Variants in OTUD7A observed in about 807,000 individuals in gnomAD.
The protein encoded by OTUD7A is OTU domain-containing protein 7A.
A neutral mutation model predicts 65.7 loss-of-function variants in OTUD7A; 12 were observed. The ratio of observed to expected loss-of-function variants is 0.18; its 90% confidence interval spans 0.12 to 0.30. OTUD7A has a LOEUF of 0.30. Ranked by LOEUF, OTUD7A falls within the 10% of genes least tolerant of loss-of-function variation. OTUD7A has a pLI of 1.00. For missense variants in OTUD7A, 1,148 were observed against 1,304.8 expected, an observed-to-expected ratio of 0.88 and a Z score of 1.85; for synonymous variants, 641 against 586.3, an observed-to-expected ratio of 1.09 and a Z score of -1.35.
rs563405102 is a variant in OTUD7A at position 31,842,590 on chromosome 15, G to A, written c.-100+27917C>T. 1.1e-3 allele frequency among the ~76,000 whole-genome samples: 166 copies of A among 151,964 alleles called. 1 individual carries two copies. The highest frequency in any genetic ancestry group is 3.9e-3 in the African/African-American group (162 of 41,514). ...GCTGGTGGGGGACAGAGAGGACACT[G>A]CACAGGCCAGTAATTAAGGTATGCT... On this transcript the variant is annotated intron_variant, in intron 1 of 12. Transcript: ENST00000307050.
chr15:31,835,129 C>T (rs908845038), intron 1 of OTUD7A, among the ~76,000 whole-genome samples: 35 of 152,226 alleles, frequency 2.3e-4, no homozygotes, highest in Non-Finnish European at 2.6e-4. Flanking sequence ...CAGATTTTGA[C>T]GCTCTCCCTG....
chr15:31,853,639 A>G (rs1897487086), intron 1 of OTUD7A, among the ~76,000 whole-genome samples: 1 of 152,276 alleles, frequency 6.6e-6, no homozygotes, highest in Non-Finnish European at 1.5e-5. Flanking sequence ...GGCCTTGTAC[A>G]GAGAGAAAGG....
At chr15:31,595,389 A>G (rs1889872756) in intron 3 of OTUD7A, among the ~76,000 whole-genome samples, 1 of 152,204 alleles carries the variant, frequency 6.6e-6, no homozygotes, top group African/African-American at 2.4e-5. Context: ...GTTGCTGCAA[A>G]TGACAGGGTT....
At chr15:31,512,775 T>C (rs1365095580) in intron 8 of OTUD7A, among the ~76,000 whole-genome samples, 31 of 152,356 alleles carry the variant, frequency 2.0e-4, no homozygotes, top group Non-Finnish European at 4.4e-5. Flanking sequence ...CTTGGACTAG[T>C]ATAAGTATGC....
intron 8 of OTUD7A, among the ~76,000 whole-genome samples, chr15:31,521,417 T>G (rs910014044): frequency 5.3e-5 from 8 of 152,186 alleles, no homozygotes; most frequent in African/African-American, 1.9e-4. Flanking sequence ...CTTTAAAAAT[T>G]TGAGCCGGGT....
intron 5 of OTUD7A, among the ~76,000 whole-genome samples, chr15:31,533,788 T>C (rs960828974): frequency 6.6e-6 from 1 of 152,224 alleles, no homozygotes; most frequent in Non-Finnish European, 1.5e-5. Context: ...TCTCTTGAGT[T>C]TTCTAAATTA....
chr15:31,528,858 GC>G (rs2042050619), intron 6 of OTUD7A, among the ~76,000 whole-genome samples: 1 of 152,260 alleles, frequency 6.6e-6, no homozygotes, highest in Admixed American at 6.5e-5. Flanking sequence ...GCGGAGTTTA[GC>G]TATATGGGCA....
chr15:31,573,041 T>C (rs147675846), intron 3 of OTUD7A, among the ~76,000 whole-genome samples: 2,090 of 152,266 alleles, frequency 0.014, 21 homozygotes, highest in Non-Finnish European at 0.022. Flanking sequence ...ACACTGTATA[T>C]AAGGAAACTG....
intron 10 of OTUD7A, among the ~76,000 whole-genome samples, chr15:31,491,935 A>C (rs997671049): frequency 1.3e-5 from 2 of 152,250 alleles, no homozygotes; most frequent in Non-Finnish European, 2.9e-5. Flanking sequence ...TGAAACATGA[A>C]GAAGACATAA....
intron 3 of OTUD7A, among the ~76,000 whole-genome samples, chr15:31,602,708 C>T (rs1281785162): frequency 6.6e-5 from 10 of 152,138 alleles, no homozygotes; most frequent in Non-Finnish European, 1.0e-4. Flanking sequence ...GAAAACCCCA[C>T]CATTTCAGCC....
intron 1 of OTUD7A, among the ~76,000 whole-genome samples, chr15:31,676,592 G>A (rs1335557025): frequency 6.6e-6 from 1 of 152,198 alleles, no homozygotes; most frequent in South Asian, 2.1e-4. Flanking sequence ...GACCATGAGG[G>A]ACGGGTCAAG....
At position 31,592,828 on chromosome 15, in the gene OTUD7A, C is replaced by T. The variant is rs187556529; in HGVS notation, c.152-22631G>A. On this transcript the variant is annotated intron_variant, in intron 3 of 12. Transcript: ENST00000307050. ...CCAGGAGGCGGCGCTTGCAGTGAGC[C>T]GAGATCGTGCCCCTGCGCTCCAGCC... Among the ~76,000 whole-genome samples, 5 of 129,672 alleles carry T rather than the reference C, an allele frequency of 3.9e-5. No homozygotes were observed. The East Asian group carries it at 1.0e-3, about 26-fold the overall frequency. The allele number at this position is 129,672 out of a possible 152,430, so 85.1% of individuals were successfully genotyped here.
At chr15:31,485,805 C>A (rs2041228286) in intron 12 of OTUD7A, among the ~76,000 whole-genome samples, 1 of 146,014 alleles carries the variant, frequency 6.8e-6, no homozygotes, top group Non-Finnish European at 1.5e-5. Context: ...TAATTTTTGT[C>A]CCCCCCTCAA....
intron 1 of OTUD7A, among the ~76,000 whole-genome samples, chr15:31,733,549 G>T (rs1052260869): frequency 2.8e-4 from 42 of 152,332 alleles, no homozygotes; most frequent in African/African-American, 9.6e-4. Context: ...GCCCAGACCA[G>T]GTCAGCCCTC....
intron 1 of OTUD7A, among the ~76,000 whole-genome samples, chr15:31,698,367 C>T (rs1893132053): frequency 1.3e-5 from 2 of 152,146 alleles, no homozygotes; most frequent in Admixed American, 1.3e-4. Flanking sequence ...GTCATCCCTC[C>T]ACCCCAGCTC....
chr15:31,569,426 C>T (rs1015402814), intron 4 of OTUD7A, among the ~76,000 whole-genome samples: 7 of 152,220 alleles, frequency 4.6e-5, no homozygotes, highest in Non-Finnish European at 7.3e-5. Context: ...TTGCAGTGTG[C>T]TGTGCATTTG....
intron 5 of OTUD7A, among the ~76,000 whole-genome samples, chr15:31,554,267 C>T (rs1771055254): frequency 6.6e-6 from 1 of 152,214 alleles, no homozygotes; most frequent in Admixed American, 6.5e-5. Context: ...AATTTCACCT[C>T]CCTGAGGGCA....
At chr15:31,659,091 TA>T (rs1277790478) in intron 1 of OTUD7A, among the ~76,000 whole-genome samples, 8 of 151,062 alleles carry the variant, frequency 5.3e-5, no homozygotes, top group African/African-American at 1.7e-4. Flanking sequence ...AAAATAAAAT[TA>T]AAACTTCTGT....
chr15:31,865,991 A>T (rs144240687), intron 1 of OTUD7A, among the ~76,000 whole-genome samples: 4 of 152,358 alleles, frequency 2.6e-5, no homozygotes, highest in African/African-American at 9.6e-5. Context: ...AATATGCTCA[A>T]ATAGAAAATA....
Sources: gnomAD v4.1 joint callset for allele counts (sites outside exome capture counted in the v4.1 genomes callset) on GRCh38, gnomAD v4.1.1 for gene constraint, MANE v1.5 for transcripts, NCBI Gene and HGNC (gene_info 2026-07-23, HGNC 2026-07-21) for gene names.